The following PTCHD4 variants were observed in gnomAD, a reference collection of about 807,000 sequenced individuals.
PTCHD4 encodes patched domain containing 4.
PTCHD4 carries 33 observed loss-of-function variants against 58.1 expected under a neutral mutation model. The ratio of observed to expected loss-of-function variants is 0.57; its 90% CI spans 0.43 to 0.76. The LOEUF (loss-of-function observed/expected upper bound fraction) is 0.76, where lower values mean the gene tolerates loss of function less well. PTCHD4 is among the 30% of genes least tolerant of loss of function. PTCHD4 has a pLI of 0.00. For missense variants in PTCHD4, 1,058 were observed against 1,027.1 expected, an observed-to-expected ratio of 1.03 and a Z score of -0.41; for synonymous variants, 478 against 409.6, an observed-to-expected ratio of 1.17 and a Z score of -2.02.
chr6:47,921,252 T>C (rs1234145317), intron 4 of PTCHD4, among the ~76,000 whole-genome samples: 3 of 152,196 alleles, frequency 2.0e-5, no homozygotes, highest in Non-Finnish European at 4.4e-5. Flanking sequence ...TAGGAGAAAG[T>C]GCCATTTCTC....
intron 3 of PTCHD4, among the ~76,000 whole-genome samples, chr6:48,016,244 A>G (rs911379069): frequency 6.6e-6 from 1 of 152,016 alleles, no homozygotes; most frequent in African/African-American, 2.4e-5. Context: ...AGGGAGTAAT[A>G]GGATTTGAGG....
chr6:48,063,384 C>G (rs332568), intron 3 of PTCHD4, among the ~76,000 whole-genome samples: 24,282 of 152,118 alleles, frequency 0.16, 1,999 homozygotes, highest in African/African-American at 0.21. Context: ...AACATTAGTA[C>G]TGGTATTTTG....
chr6:48,098,869 G>A (rs1765534877), intron 1 of PTCHD4, among the ~76,000 whole-genome samples: 1 of 152,042 alleles, frequency 6.6e-6, no homozygotes, highest in South Asian at 2.1e-4. Context: ...ATTAAAAATT[G>A]AAAGTAAAAT....
intron 1 of PTCHD4, among the ~76,000 whole-genome samples, chr6:48,070,371 G>T (rs147552235): frequency 6.6e-6 from 1 of 152,120 alleles, no homozygotes; most frequent in Non-Finnish European, 1.5e-5. Context: ...CAAGCTAAAG[G>T]ACTCCTTGTC....
At chr6:47,978,142 T>A (rs1561987701) in intron 4 of PTCHD4, among the ~76,000 whole-genome samples, 1 of 152,088 alleles carries the variant, frequency 6.6e-6, no homozygotes, top group African/African-American at 2.4e-5. Flanking sequence ...CTCCTTTACT[T>A]CTTCTTCCTC....
At chr6:47,944,850 C>T (rs1264236067) in intron 4 of PTCHD4, among the ~76,000 whole-genome samples, 1 of 152,052 alleles carries the variant, frequency 6.6e-6, no homozygotes, top group Non-Finnish European at 1.5e-5. Flanking sequence ...TTCACAGTGC[C>T]TGTGGTTTAG....
intron 4 of PTCHD4, among the ~76,000 whole-genome samples, chr6:47,891,671 C>G (rs1294657286): frequency 6.6e-6 from 1 of 152,162 alleles, no homozygotes; most frequent in African/African-American, 2.4e-5. Context: ...CTTGAATTCT[C>G]TTCCAAATCA....
intron 3 of PTCHD4, among the ~76,000 whole-genome samples, chr6:48,026,957 T>G (rs562718850): frequency 6.7e-6 from 1 of 149,666 alleles, no homozygotes; most frequent in Non-Finnish European, 1.5e-5. Flanking sequence ...GATAAAAAAG[T>G]AAAGTGGAGA....
chr6:47,954,313 C>A (rs1321649037), intron 4 of PTCHD4, among the ~76,000 whole-genome samples: 1 of 152,148 alleles, frequency 6.6e-6, no homozygotes, highest in Non-Finnish European at 1.5e-5. Context: ...GCTGAGATTG[C>A]ACCACTGCAC....
intron 4 of PTCHD4, among the ~76,000 whole-genome samples, chr6:47,958,586 T>C (rs1488867193): frequency 3.3e-5 from 5 of 152,010 alleles, no homozygotes; most frequent in African/African-American, 1.2e-4. Context: ...GAGCTGAGGG[T>C]GTGAGAATAC....
At chr6:47,945,060 A>G (rs1291129222) in intron 4 of PTCHD4, among the ~76,000 whole-genome samples, 2 of 152,136 alleles carry the variant, frequency 1.3e-5, no homozygotes, top group Non-Finnish European at 2.9e-5. Context: ...GACGGAATCC[A>G]TTTATGTCTG....
chr6:48,059,721 C>G (rs1764550353), intron 3 of PTCHD4, among the ~76,000 whole-genome samples: 1 of 152,132 alleles, frequency 6.6e-6, no homozygotes, highest in African/African-American at 2.4e-5. Context: ...TCTGGATATA[C>G]AAACCCTGAC....
intron 4 of PTCHD4, among the ~76,000 whole-genome samples, chr6:48,004,400 T>C (rs1411313168): frequency 1.3e-5 from 2 of 152,116 alleles, no homozygotes; most frequent in Non-Finnish European, 2.9e-5. Flanking sequence ...CAACTATCCA[T>C]AGAATATCAG....
At chr6:48,009,177 C>T (rs1762582222) in intron 3 of PTCHD4, 63 bp from the exon 4 acceptor site, 2 of 1,490,924 alleles carry the variant, frequency 1.3e-6, no homozygotes, top group East Asian at 4.6e-5. Flanking sequence ...TAGATTCTTA[C>T]TCTAAGTGAA....
Position 48,051,211 on chromosome 6 carries a change from G to T in PTCHD4, c.417+17019C>A, listed in dbSNP as rs559808087. ...AAAAATTACTCCCCCTTTGTTTAAT[G>T]GGAATAAAAATGCTGATAAATCACC... On this transcript the variant is annotated intron_variant, in intron 3 of 4. Coordinates refer to ENST00000339488, the MANE Select transcript of PTCHD4 (RefSeq NM_001384253.1). Among the ~76,000 whole-genome samples the T allele has an allele frequency of 8.6e-5, 13 of 151,864 alleles. No homozygotes were observed. The East Asian group carries it at 2.3e-3, about 27-fold the overall frequency.
At chr6:48,057,697 G>T (rs886908023) in intron 3 of PTCHD4, among the ~76,000 whole-genome samples, 1 of 152,216 alleles carries the variant, frequency 6.6e-6, no homozygotes, top group Non-Finnish European at 1.5e-5. Context: ...AACCAGGAAA[G>T]TTCAAGATGT....
intron 1 of PTCHD4, among the ~76,000 whole-genome samples, chr6:48,101,418 T>C (rs1352252700): frequency 1.3e-5 from 2 of 152,160 alleles, no homozygotes; most frequent in Non-Finnish European, 2.9e-5. Flanking sequence ...TAAGGACTAG[T>C]AGGTAAAGAC....
intron 4 of PTCHD4, among the ~76,000 whole-genome samples, chr6:47,978,387 T>C (rs1767771610): frequency 6.6e-6 from 1 of 152,212 alleles, no homozygotes; most frequent in Non-Finnish European, 1.5e-5. Context: ...TGGAGAGCTC[T>C]GCTTCAGTGT....
chr6:47,935,812 G>A (rs190207275), intron 4 of PTCHD4, among the ~76,000 whole-genome samples: 3 of 152,218 alleles, frequency 2.0e-5, no homozygotes, highest in East Asian at 3.9e-4. Flanking sequence ...TAATGAATAC[G>A]TTTATACAAA....
Sources: gnomAD v4.1 joint callset for allele counts (sites outside exome capture counted in the v4.1 genomes callset) on GRCh38, gnomAD v4.1.1 for gene constraint, MANE v1.5 for transcripts, NCBI Gene and HGNC (gene_info 2026-07-23, HGNC 2026-07-21) for gene names.